Variants in MBD5 observed in about 807,000 individuals in gnomAD.
The protein encoded by MBD5 is methyl-CpG binding domain protein 5, also known as methyl-CpG-binding domain protein 5.
In MBD5, 13 loss-of-function variants were observed where a neutral mutation model predicts 117.3. That is an observed-to-expected ratio of 0.11 (90% CI 0.07 to 0.18). The LOEUF (loss-of-function observed/expected upper bound fraction) is 0.18, where lower values mean the gene tolerates loss of function less well. Ranked by LOEUF, MBD5 falls within the 10% of genes least tolerant of loss-of-function variation. The pLI is 1.00. For missense variants in MBD5, 1,879 were observed against 2,093.8 expected (o/e 0.90, Z 2.00); for synonymous variants, 727 against 766.4 (o/e 0.95, Z 0.85).
At chr2:148,339,092 G>A (rs1702873728) in intron 3 of MBD5, among the ~76,000 whole-genome samples, 1 of 152,088 alleles carries the variant, frequency 6.6e-6, no homozygotes, top group African/African-American at 2.4e-5. Context: ...GAGGACAGAT[G>A]CCTCGTGCCT....
Position 148,426,892 on chromosome 2 carries a change from A to C in MBD5, c.-556-31311A>C, listed in dbSNP as rs192421867. The stretch of plus-strand genomic sequence containing the variant: ...CTACAGAATGGGAGAAAATTTTTGC[A>C]ATCTACTCATCTGACAAAGGGCTAA... On this transcript the variant is annotated intron_variant, in intron 4 of 13. Coordinates refer to ENST00000642680, the MANE Select transcript of MBD5 (RefSeq NM_001378120.1). Among the ~76,000 whole-genome samples the C allele has an allele frequency of 2.2e-3, 330 of 152,294 alleles. 1 individual carries two copies. The highest frequency in any genetic ancestry group is 7.4e-3 in the African/African-American group (306 of 41,560).
chr2:148,160,031 C>G (rs555583211), intron 1 of MBD5, among the ~76,000 whole-genome samples: 108 of 152,312 alleles, frequency 7.1e-4, no homozygotes, highest in African/African-American at 2.4e-3. Context: ...CACACTGGCT[C>G]TCAACCCTGG....
intron 10 of MBD5, among the ~76,000 whole-genome samples, chr2:148,486,682 T>G (rs1681350460): frequency 6.6e-6 from 1 of 152,080 alleles, no homozygotes; most frequent in Non-Finnish European, 1.5e-5. Flanking sequence ...TAGCAATAGA[T>G]ATGAACAGAC....
At chr2:148,179,468 T>G (rs1698471478) in intron 2 of MBD5, among the ~76,000 whole-genome samples, 1 of 152,308 alleles carries the variant, frequency 6.6e-6, no homozygotes, top group South Asian at 2.1e-4. Context: ...TTTTCATGTA[T>G]TTATTAATCA....
At chr2:148,094,288 T>A (rs776506576) in intron 1 of MBD5, among the ~76,000 whole-genome samples, 6 of 152,234 alleles carry the variant, frequency 3.9e-5, no homozygotes, top group Non-Finnish European at 7.3e-5. Context: ...GTATTGGAGC[T>A]CTTTCCTTGC....
intron 3 of MBD5, among the ~76,000 whole-genome samples, chr2:148,252,731 G>T (rs1293757089): frequency 6.6e-6 from 1 of 152,010 alleles, no homozygotes; most frequent in Non-Finnish European, 1.5e-5. Context: ...TGTATTTTTT[G>T]TAGAGACAGG....
In MBD5 at chr2:148,300,132, G is replaced by A. The variant is rs111841201; in HGVS notation, c.-679-42082G>A. Among the ~76,000 whole-genome samples the A allele has an allele frequency of 5.5e-3, 842 of 152,050 alleles. 8 individuals carry two copies. Among genetic ancestry groups the A allele is most frequent in the African/African-American group, 0.02 (815 of 41,456 alleles). The stretch of plus-strand genomic sequence containing the variant: ...TGCAGTGGCACGATCTCAGCTCACT[G>A]TAACCTCCGCCTCCCAGGTTCGAGC... On this transcript the variant is annotated intron_variant, in intron 3 of 13. Coordinates refer to ENST00000642680, the MANE Select transcript of MBD5 (RefSeq NM_001378120.1).
intron 4 of MBD5, among the ~76,000 whole-genome samples, chr2:148,431,635 A>G (rs543901174): frequency 6.6e-6 from 1 of 152,222 alleles, no homozygotes; most frequent in African/African-American, 2.4e-5. Flanking sequence ...GAGAACATGT[A>G]GCATTTGGTT....
intron 3 of MBD5, among the ~76,000 whole-genome samples, chr2:148,244,575 A>T (rs1185955217): frequency 6.6e-6 from 1 of 152,236 alleles, no homozygotes; most frequent in Non-Finnish European, 1.5e-5. Flanking sequence ...TGAAAACTCA[A>T]ATAAGTGCTT....
chr2:148,059,976 GAGC>G (rs1057090166), intron 1 of MBD5, among the ~76,000 whole-genome samples: 38 of 150,776 alleles, frequency 2.5e-4, no homozygotes, highest in Non-Finnish European at 5.2e-4. Context: ...CAAATGCATG[GAGC>G]CACCCCTTAA....
At chr2:148,266,615 A>T (rs987515920) in intron 3 of MBD5, among the ~76,000 whole-genome samples, 1 of 152,060 alleles carries the variant, frequency 6.6e-6, no homozygotes, top group Non-Finnish European at 1.5e-5. Context: ...ACTATTACCT[A>T]TATAGAGTTA....
chr2:148,145,876 C>T (rs1697445749), intron 1 of MBD5, among the ~76,000 whole-genome samples: 1 of 152,004 alleles, frequency 6.6e-6, no homozygotes, highest in South Asian at 2.1e-4. Flanking sequence ...ATTTTTGCAT[C>T]GATGTTCATC....
At chr2:148,033,411 G>A (rs1356278175) in intron 1 of MBD5, among the ~76,000 whole-genome samples, 1 of 152,076 alleles carries the variant, frequency 6.6e-6, no homozygotes, top group Non-Finnish European at 1.5e-5. Flanking sequence ...AGAGGAAGTT[G>A]AAGAAATTTA....
intron 1 of MBD5, among the ~76,000 whole-genome samples, chr2:148,100,710 A>T (rs1464730684): frequency 6.6e-6 from 1 of 152,226 alleles, no homozygotes; most frequent in Admixed American, 6.5e-5. Flanking sequence ...TAACATGGTG[A>T]TCAGATCCCA....
intron 4 of MBD5, among the ~76,000 whole-genome samples, chr2:148,388,576 A>G (rs1418089562): frequency 6.6e-6 from 1 of 152,222 alleles, no homozygotes; most frequent in Non-Finnish European, 1.5e-5. Flanking sequence ...AAAATACCAC[A>G]GACTGTGTTG....
intron 4 of MBD5, among the ~76,000 whole-genome samples, chr2:148,418,466 TAGA>T (rs1438648053): frequency 3.9e-5 from 6 of 152,162 alleles, no homozygotes; most frequent in Non-Finnish European, 5.9e-5. Flanking sequence ...ATCTGATACC[TAGA>T]AAACACTAAA....
intron 1 of MBD5, among the ~76,000 whole-genome samples, chr2:148,171,352 A>G (rs965423600): frequency 5.9e-5 from 9 of 152,260 alleles, no homozygotes; most frequent in African/African-American, 1.2e-4. Context: ...TAAATGTGAT[A>G]CATTGCCTTA....
intron 4 of MBD5, among the ~76,000 whole-genome samples, chr2:148,445,053 C>A (rs1706445706): frequency 6.6e-6 from 1 of 151,134 alleles, no homozygotes; most frequent in South Asian, 2.1e-4. Flanking sequence ...ATAGCACCAC[C>A]CAAGCATGTT....
intron 11 of MBD5, among the ~76,000 whole-genome samples, chr2:148,499,128 T>C (rs1681795533): frequency 6.6e-6 from 1 of 151,802 alleles, no homozygotes; most frequent in Non-Finnish European, 1.5e-5. Flanking sequence ...ACCCTGTTTC[T>C]ACAAAAAAAT....
Sources: gnomAD v4.1 joint callset for allele counts (sites outside exome capture counted in the v4.1 genomes callset) on GRCh38, gnomAD v4.1.1 for gene constraint, MANE v1.5 for transcripts, NCBI Gene and HGNC (gene_info 2026-07-23, HGNC 2026-07-21) for gene names.